The following TBC1D4 variants were observed in gnomAD, a reference collection of about 807,000 sequenced individuals.
TBC1D4 encodes TBC1 domain family member 4, also known as TBC (Tre-2, BUB2, CDC16) domain-containing protein.
A neutral mutation model predicts 142.5 loss-of-function variants in TBC1D4; 121 were observed. The observed-to-expected ratio is 0.85, with a 90% CI of 0.73 to 0.99. The LOEUF (loss-of-function observed/expected upper bound fraction) is 0.99, where lower values mean the gene tolerates loss of function less well. Ranked by LOEUF, TBC1D4 falls within the 50% of genes least tolerant of loss-of-function variation. The pLI is 0.00. For missense variants in TBC1D4, 1,475 were observed against 1,606.6 expected (o/e 0.92, Z 1.40); for synonymous variants, 630 against 628.2 (o/e 1.00, Z -0.04).
At chr13:75,395,234 A>T (rs9573538) in intron 1 of TBC1D4, among the ~76,000 whole-genome samples, 52,681 of 152,058 alleles carry the variant, frequency 0.35, 9,723 homozygotes, top group African/African-American at 0.43. Context: ...CATAAAACAG[A>T]TATATCTACT....
chr13:75,419,448 G>A (rs1359650984), intron 1 of TBC1D4, among the ~76,000 whole-genome samples: 1 of 152,068 alleles, frequency 6.6e-6, no homozygotes, highest in Non-Finnish European at 1.5e-5. Flanking sequence ...TCTATTACCA[G>A]CTTTAAGAAA....
intron 1 of TBC1D4, among the ~76,000 whole-genome samples, chr13:75,404,523 A>T (rs542175781): frequency 6.7e-4 from 102 of 152,012 alleles, no homozygotes; most frequent in Middle Eastern, 3.4e-3. Flanking sequence ...CATTTTTTTT[A>T]AAAGTTTCTT....
chr13:75,421,330 A>G (rs1052156394), intron 1 of TBC1D4, among the ~76,000 whole-genome samples: 3 of 152,086 alleles, frequency 2.0e-5, no homozygotes, highest in Admixed American at 6.5e-5. Flanking sequence ...TCCCATTTAC[A>G]ATCCCCCTAA....
At chr13:75,432,141 T>C (rs535361379) in intron 1 of TBC1D4, among the ~76,000 whole-genome samples, 4 of 152,176 alleles carry the variant, frequency 2.6e-5, no homozygotes, top group Non-Finnish European at 5.9e-5. Flanking sequence ...GTAGGCAGTG[T>C]GGAGTTGGCT....
chr13:75,372,716 A>G (rs1192325253), intron 1 of TBC1D4, among the ~76,000 whole-genome samples: 1 of 152,212 alleles, frequency 6.6e-6, no homozygotes, highest in Non-Finnish European at 1.5e-5. Flanking sequence ...AAATGCTCCC[A>G]CTGTTTATAA....
At chr13:75,368,064 T>A (rs1431829) in intron 1 of TBC1D4, among the ~76,000 whole-genome samples, 122,755 of 152,154 alleles carry the variant, frequency 0.81, 49,950 homozygotes, top group African/African-American at 0.92. Flanking sequence ...TACTTCAGAG[T>A]TTCTTTGTAT....
rs551231670 is a variant in TBC1D4, at chr13:75,300,381, A to T, written c.2912-807T>A. Among the ~76,000 whole-genome samples the T allele has an allele frequency of 2.4e-3, 250 of 104,300 alleles. 1 individual carries two copies. Among genetic ancestry groups the T allele is most frequent in the Middle Eastern group, 4.5e-3 (1 of 220 alleles). 68.4% of individuals were successfully genotyped at this position (104,300 alleles called of 152,430 possible). A position where few individuals can be genotyped will look rare whatever the true frequency, so the allele number is the denominator to read the frequency against. ...TCACATCAAAGCTGTCTATATTGGT[A>T]TGGGCATTTTTCTAGGGCCACAAAA... On this transcript the variant is annotated intron_variant, in intron 16 of 20. Coordinates refer to ENST00000377636, the MANE Select transcript of TBC1D4 (RefSeq NM_014832.5).
chr13:75,347,881 ATC>A (rs1374419714), intron 5 of TBC1D4, among the ~76,000 whole-genome samples: 1 of 152,190 alleles, frequency 6.6e-6, no homozygotes, highest in Non-Finnish European at 1.5e-5. Flanking sequence ...CATGCCTGTA[ATC>A]TCAGCACTTT....
At chr13:75,435,082 G>C (rs2138175854) in intron 1 of TBC1D4, among the ~76,000 whole-genome samples, 1 of 151,972 alleles carries the variant, frequency 6.6e-6, no homozygotes, top group South Asian at 2.1e-4. Flanking sequence ...CTGCAAGAGA[G>C]GCAGCCCTTT....
rs1874675513 is a variant in TBC1D4, at chr13:75,286,456, T to C, written c.*336A>G. The C allele has an allele frequency of 4.9e-6, 1 of 203,690 alleles. No individual in the cohort carries two copies. Among genetic ancestry groups the C allele is most frequent in the East Asian group, 1.2e-4 (1 of 8,628 alleles). The allele number at this position is 203,690 out of a possible 1,614,324, so 12.6% of individuals were successfully genotyped here. ...CACATATGTCCAAGGGAAATTTCAG[T>C]TTACCTTTCCTTTGGTGTGGATTTC... On this transcript the variant is annotated 3_prime_UTR_variant, in exon 21 of 21. Coordinates refer to ENST00000377636, the MANE Select transcript of TBC1D4 (RefSeq NM_014832.5).
At chr13:75,296,976 G>C (rs1875994617) in intron 17 of TBC1D4, among the ~76,000 whole-genome samples, 1 of 151,992 alleles carries the variant, frequency 6.6e-6, no homozygotes, top group Admixed American at 6.5e-5. Context: ...CAAACCCACT[G>C]CAAGAGGCAT....
At chr13:75,376,790 A>G (rs1883536530) in intron 1 of TBC1D4, among the ~76,000 whole-genome samples, 2 of 152,248 alleles carry the variant, frequency 1.3e-5, no homozygotes, top group Admixed American at 1.3e-4. Context: ...ATGTTTCTGT[A>G]TGTATTATTC....
At chr13:75,338,846 T>C (rs1880436829) in intron 7 of TBC1D4, among the ~76,000 whole-genome samples, 2 of 152,326 alleles carry the variant, frequency 1.3e-5, no homozygotes, top group South Asian at 4.1e-4. Flanking sequence ...CCCGGCTCTG[T>C]TTCATCAAAT....
chr13:75,324,513 CAA>C, intron 10 of TBC1D4, 112 bp from the exon 11 acceptor site: 1 of 1,296,674 alleles, frequency 7.7e-7, no homozygotes, highest in South Asian at 1.3e-5. Context: ...TCTTTCCTTT[CAA>C]GGCTCAGGGC....
rs1874714909 is a variant in TBC1D4, at chr13:75,286,783, C to G, written c.*9G>C. 6.2e-7 allele frequency: 1 copy of G among 1,612,544 alleles called. No homozygotes were observed. Among genetic ancestry groups the G allele is most frequent in the Non-Finnish European group, 8.5e-7 (1 of 1,179,126 alleles). Reference sequence around the variant, plus strand: ...AGGAGCACTTTCTGCTGAGGCCGTGCCTCTTCAATTATGGCTTATTTCCTA... The same window carrying G: ...AGGAGCACTTTCTGCTGAGGCCGTGGCTCTTCAATTATGGCTTATTTCCTA... On this transcript the variant is annotated 3_prime_UTR_variant, in exon 21 of 21. Transcript: ENST00000377636.
intron 17 of TBC1D4, among the ~76,000 whole-genome samples, chr13:75,298,177 G>A (rs1263997547): frequency 6.6e-6 from 1 of 152,078 alleles, no homozygotes; most frequent in African/African-American, 2.4e-5. Flanking sequence ...TGATGAACTG[G>A]GAGTCATGCA....
chr13:75,349,603 G>A (rs1418462581), intron 4 of TBC1D4, among the ~76,000 whole-genome samples: 6 of 152,166 alleles, frequency 3.9e-5, no homozygotes, highest in African/African-American at 1.2e-4. Context: ...AGTTTAATTA[G>A]TTAATCCTTC....
rs149629979 is a variant in TBC1D4, at chr13:75,459,868, C to T, written c.498+21402G>A. Among the ~76,000 whole-genome samples the T allele has an allele frequency of 4.0e-3, 603 of 152,256 alleles. 2 individuals carry two copies. Among genetic ancestry groups the T allele is most frequent in the African/African-American group, 0.013 (559 of 41,538 alleles). On this transcript the variant is annotated intron_variant, in intron 1 of 20. Coordinates refer to ENST00000377636, the MANE Select transcript of TBC1D4 (RefSeq NM_014832.5). ...ATATAAATAATACATATTGGCAAGG[C>T]GCGGTGGCTCACGCCTGTAATCCCA...
intron 1 of TBC1D4, among the ~76,000 whole-genome samples, chr13:75,414,799 T>C (rs78241897): frequency 6.6e-6 from 1 of 152,230 alleles, no homozygotes; most frequent in East Asian, 1.9e-4. Flanking sequence ...GTCAACAATG[T>C]GAAGACTGAA....
Sources: gnomAD v4.1 joint callset for allele counts (sites outside exome capture counted in the v4.1 genomes callset) on GRCh38, gnomAD v4.1.1 for gene constraint, MANE v1.5 for transcripts, NCBI Gene and HGNC (gene_info 2026-07-23, HGNC 2026-07-21) for gene names.